Variants in CNTNAP3B observed in about 807,000 individuals in gnomAD.
CNTNAP3B encodes the protein contactin-associated protein-like 3B.
Under a neutral mutation model 108.9 loss-of-function variants are expected in CNTNAP3B, and 25 were observed. The observed-to-expected ratio is 0.23, with a 90% CI of 0.17 to 0.32. The LOEUF (loss-of-function observed/expected upper bound fraction) is 0.32. Among genes scored for constraint, CNTNAP3B ranks in the 10% least tolerant of loss-of-function variants. CNTNAP3B has a pLI of 1.00. For missense variants in CNTNAP3B, 252 were observed against 1,210.4 expected, an observed-to-expected ratio of 0.21 and a Z score of 11.75; for synonymous variants, 103 against 473.4, an observed-to-expected ratio of 0.22 and a Z score of 10.16.
intron 2 of CNTNAP3B, among the ~76,000 whole-genome samples, chr9:42,078,514 A>G (rs187748270): frequency 0.011 from 1,492 of 138,734 alleles, 34 homozygotes; most frequent in South Asian, 0.047. Flanking sequence ...TTTGCTTTTT[A>G]TTGTTCTATG....
intron 4 of CNTNAP3B, among the ~76,000 whole-genome samples, chr9:42,002,691 G>A (rs1246148145): frequency 1.8e-5 from 2 of 113,766 alleles, no homozygotes; most frequent in Non-Finnish European, 3.6e-5. Flanking sequence ...ATATAATCCT[G>A]AAATATGATT....
intron 1 of CNTNAP3B, among the ~76,000 whole-genome samples, chr9:42,114,921 G>C (rs1483122538): frequency 7.4e-6 from 1 of 135,194 alleles, no homozygotes; most frequent in Non-Finnish European, 1.6e-5. Flanking sequence ...GGGCATGGTA[G>C]CGGGAACTTG....
chr9:41,928,133 A>T (rs1403977624), intron 15 of CNTNAP3B, among the ~76,000 whole-genome samples: 1 of 152,276 alleles, frequency 6.6e-6, no homozygotes, highest in African/African-American at 2.4e-5. Flanking sequence ...GCTGTGAAGA[A>T]TCTGAGATTT....
chr9:41,919,037 G>A (rs1310139293), intron 18 of CNTNAP3B, among the ~76,000 whole-genome samples: 1 of 152,254 alleles, frequency 6.6e-6, no homozygotes, highest in Non-Finnish European at 1.5e-5. Context: ...TTTTAGCTCT[G>A]ATGATTCAAT....
At chr9:41,954,807 A>C (rs1692833) in intron 12 of CNTNAP3B, among the ~76,000 whole-genome samples, 1 of 152,334 alleles carries the variant, frequency 6.6e-6, no homozygotes, top group African/African-American at 2.4e-5. Flanking sequence ...TCTCAGCCTC[A>C]CAAGTAGCTG....
At chr9:41,965,051 C>T (rs370606147) in intron 10 of CNTNAP3B, among the ~76,000 whole-genome samples, 1,571 of 151,864 alleles carry the variant, frequency 0.01, no homozygotes, top group South Asian at 0.04. Flanking sequence ...GAAACAGGAA[C>T]AGCTTCAGTC....
At chr9:42,036,076 CCAGCCTGGG>C (rs1826622001) in intron 3 of CNTNAP3B, among the ~76,000 whole-genome samples, 1 of 149,626 alleles carries the variant, frequency 6.7e-6, no homozygotes, top group South Asian at 2.1e-4. Flanking sequence ...CCACTGCACT[CCAGCCTGGG>C]CATCACAGGG....
At chr9:42,030,813 G>GGGGAGAGA (rs1554751524) in intron 3 of CNTNAP3B, among the ~76,000 whole-genome samples, 2 of 65,748 alleles carry the variant, frequency 3.0e-5, no homozygotes, top group African/African-American at 7.9e-5. Context: ...GAGAGAGAGA[G>GGGGAGAGA]GAGAGAGAGA....
At chr9:42,037,271 T>A (rs1826651822) in intron 3 of CNTNAP3B, among the ~76,000 whole-genome samples, 1 of 91,706 alleles carries the variant, frequency 1.1e-5, no homozygotes, top group Non-Finnish European at 2.3e-5. Flanking sequence ...AAAGTATAAT[T>A]AAAAAAAAAA....
intron 13 of CNTNAP3B, among the ~76,000 whole-genome samples, chr9:41,940,425 C>T (rs1259110076): frequency 6.6e-6 from 1 of 152,296 alleles, no homozygotes; most frequent in South Asian, 2.1e-4. Context: ...ATTACAGAAC[C>T]AGAAGGAATG....
intron 2 of CNTNAP3B, among the ~76,000 whole-genome samples, chr9:42,079,240 C>G (rs1305161969): frequency 1.1e-5 from 1 of 92,156 alleles, no homozygotes; most frequent in East Asian, 3.2e-4. Context: ...AAGGGAGCAG[C>G]CCCCATGCAG....
At chr9:42,096,208 T>G in intron 2 of CNTNAP3B, among the ~76,000 whole-genome samples, 1 of 138,980 alleles carries the variant, frequency 7.2e-6, no homozygotes, top group South Asian at 2.3e-4. Flanking sequence ...CACTTGAGAG[T>G]GCCCACTCAG....
intron 14 of CNTNAP3B, among the ~76,000 whole-genome samples, chr9:41,931,734 G>T: frequency 6.7e-6 from 1 of 149,480 alleles, no homozygotes; most frequent in Non-Finnish European, 1.5e-5. Flanking sequence ...GAATGAGGTA[G>T]GTCTAGGAAA....
chr9:42,094,318 A>G (rs1490503034), intron 2 of CNTNAP3B, among the ~76,000 whole-genome samples: 2 of 133,698 alleles, frequency 1.5e-5, no homozygotes, highest in Non-Finnish European at 3.1e-5. Flanking sequence ...AGAACTAAGA[A>G]TGGTTTTACA....
chr9:42,124,719 C>T (rs1366243076), intron 1 of CNTNAP3B, among the ~76,000 whole-genome samples: 2 of 124,824 alleles, frequency 1.6e-5, no homozygotes, highest in Admixed American at 8.2e-5. Flanking sequence ...TTAAAAAGTA[C>T]TTCGAAGACT....
intron 9 of CNTNAP3B, chr9:41,979,944 C>CTTTTTTTT (rs1214654461): frequency 4.7e-5 from 2 of 42,388 alleles, no homozygotes; most frequent in Non-Finnish European, 7.2e-5. Flanking sequence ...TTGAGGAAAC[C>CTTTTTTTT]TTTTTTTTTT....
At chr9:42,038,815 T>C (rs1409197455) in intron 3 of CNTNAP3B, among the ~76,000 whole-genome samples, 2 of 122,608 alleles carry the variant, frequency 1.6e-5, no homozygotes, top group Admixed American at 8.4e-5. Context: ...CCCAAATCAA[T>C]AGAATATATT....
intron 14 of CNTNAP3B, among the ~76,000 whole-genome samples, chr9:41,930,644 T>C (rs1291833304): frequency 6.6e-5 from 10 of 152,412 alleles, no homozygotes; most frequent in East Asian, 1.9e-4. Flanking sequence ...AAAAAATATA[T>C]TTTAGTCTCT....
intron 16 of CNTNAP3B, 176 bp downstream of exon 16, chr9:41,923,747 G>C (rs1212623830): frequency 7.9e-7 from 1 of 1,258,852 alleles, no homozygotes; most frequent in South Asian, 1.6e-5. Flanking sequence ...GAGTGACACA[G>C]CAAAATCCTC....
Sources: gnomAD v4.1 joint callset for allele counts (sites outside exome capture counted in the v4.1 genomes callset) on GRCh38, gnomAD v4.1.1 for gene constraint, MANE v1.5 for transcripts, NCBI Gene and HGNC (gene_info 2026-07-23, HGNC 2026-07-21) for gene names.